Variants in CSMD1 observed in about 807,000 individuals in gnomAD.
CSMD1 encodes the protein CUB and sushi domain-containing protein 1.
Under a neutral mutation model 417.5 loss-of-function variants are expected in CSMD1, and 213 were observed. The observed-to-expected ratio is 0.51, with a 90% CI of 0.46 to 0.57. The LOEUF is 0.57. Ranked by LOEUF, CSMD1 falls within the 20% of genes least tolerant of loss-of-function variation. CSMD1 has a pLI of 0.00. For missense variants in CSMD1, 6,923 were observed against 4,529.7 expected (o/e 1.53, Z -15.17); for synonymous variants, 2,862 against 1,736.8 (o/e 1.65, Z -16.11).
intron 64 of CSMD1, among the ~76,000 whole-genome samples, 191 bp downstream of exon 64, chr8:2,955,398 T>G (rs1424610737): frequency 6.6e-6 from 1 of 152,172 alleles, no homozygotes; most frequent in Admixed American, 6.5e-5. Flanking sequence ...ATGCCACCAT[T>G]GCATCAAACA....
chr8:4,941,236 T>C (rs534605146), intron 1 of CSMD1, among the ~76,000 whole-genome samples: 1 of 151,292 alleles, frequency 6.6e-6, no homozygotes, highest in African/African-American at 2.4e-5. Context: ...TGTAACATTG[T>C]AACACTCTTT....
At chr8:4,138,266 G>A (rs182209198) in intron 3 of CSMD1, among the ~76,000 whole-genome samples, 1 of 135,110 alleles carries the variant, frequency 7.4e-6, no homozygotes, top group East Asian at 2.2e-4. Flanking sequence ...TCCTGGCTAT[G>A]CCATAAACTA....
intron 1 of CSMD1, among the ~76,000 whole-genome samples, chr8:4,752,604 A>G (rs1195020322): frequency 6.6e-6 from 1 of 152,198 alleles, no homozygotes; most frequent in Admixed American, 6.5e-5. Context: ...AAATTCTAGA[A>G]AAATGTAGGG....
At position 3,552,305 on chromosome 8, in the gene CSMD1, G is replaced by A. The variant is rs772949049; in HGVS notation, c.1344+22640C>T. 2.6e-5 allele frequency among the ~76,000 whole-genome samples: 4 copies of A among 151,792 alleles called. No individual in the cohort carries two copies. In the East Asian group the frequency reaches 7.7e-4, roughly 29 times the overall value. On this transcript the variant is annotated intron_variant, in intron 10 of 69. Coordinates refer to ENST00000635120, the MANE Select transcript of CSMD1 (RefSeq NM_033225.6). ...TAAATATGCATCATCCACATGGCAT[G>A]AAAAAATAAGGTCAGCTTATTCTCT...
intron 2 of CSMD1, among the ~76,000 whole-genome samples, chr8:4,464,244 A>G (rs1183479588): frequency 6.6e-6 from 1 of 152,148 alleles, no homozygotes; most frequent in Non-Finnish European, 1.5e-5. Flanking sequence ...TTCCCACATT[A>G]ACATCTTCCT....
chr8:3,820,912 T>C (rs1207432019), intron 5 of CSMD1, among the ~76,000 whole-genome samples: 3 of 151,732 alleles, frequency 2.0e-5, no homozygotes, highest in Non-Finnish European at 2.9e-5. Flanking sequence ...CTGAGGGTGT[T>C]CTATCTTTTT....
At chr8:3,668,191 C>T (rs1428279882) in intron 7 of CSMD1, among the ~76,000 whole-genome samples, 1 of 152,042 alleles carries the variant, frequency 6.6e-6, no homozygotes, top group African/African-American at 2.4e-5. Flanking sequence ...ATATGTTTCC[C>T]AGCTAATAAG....
At chr8:4,987,359 T>G (rs1385881485) in intron 1 of CSMD1, among the ~76,000 whole-genome samples, 2 of 152,166 alleles carry the variant, frequency 1.3e-5, no homozygotes, top group Non-Finnish European at 2.9e-5. Context: ...GTGACAGGCG[T>G]GTTCAGTACA....
intron 1 of CSMD1, among the ~76,000 whole-genome samples, chr8:4,854,294 G>A (rs992282620): frequency 1.3e-5 from 2 of 152,280 alleles, no homozygotes; most frequent in East Asian, 1.9e-4. Flanking sequence ...GGCTTGGTAG[G>A]AGGTGTTGGG....
intron 2 of CSMD1, among the ~76,000 whole-genome samples, chr8:4,421,839 T>A (rs575292420): frequency 1.3e-5 from 2 of 151,020 alleles, no homozygotes; most frequent in South Asian, 4.2e-4. Flanking sequence ...CAGAAATCAA[T>A]AAAATTGAAA....
At chr8:4,190,940 G>T (rs1024676395) in intron 3 of CSMD1, among the ~76,000 whole-genome samples, 2 of 150,432 alleles carry the variant, frequency 1.3e-5, no homozygotes, top group South Asian at 2.1e-4. Context: ...ACAAACTGCG[G>T]CTCAGTGGAG....
chr8:4,588,192 A>G (rs929887300), intron 2 of CSMD1, among the ~76,000 whole-genome samples: 1 of 152,112 alleles, frequency 6.6e-6, no homozygotes, highest in Non-Finnish European at 1.5e-5. Context: ...TCTTAGGCAT[A>G]TATTTAAATA....
intron 25 of CSMD1, among the ~76,000 whole-genome samples, chr8:3,295,842 G>T (rs1803921900): frequency 6.6e-6 from 1 of 152,118 alleles, no homozygotes. Flanking sequence ...TCATCATTTT[G>T]CATCTATAAG....
chr8:3,233,036 T>G (rs1798932103), intron 26 of CSMD1, among the ~76,000 whole-genome samples: 1 of 152,216 alleles, frequency 6.6e-6, no homozygotes, highest in Non-Finnish European at 1.5e-5. Flanking sequence ...GACTGATGAT[T>G]GTTTAAATTT....
At chr8:3,601,654 C>T (rs984835890) in intron 8 of CSMD1, among the ~76,000 whole-genome samples, 1 of 152,162 alleles carries the variant, frequency 6.6e-6, no homozygotes, top group African/African-American at 2.4e-5. Flanking sequence ...AACTTTAAGG[C>T]TAATGGAAGC....
intron 2 of CSMD1, among the ~76,000 whole-genome samples, chr8:4,543,715 T>G (rs1410121569): frequency 6.8e-6 from 1 of 147,602 alleles, no homozygotes; most frequent in African/African-American, 2.5e-5. Context: ...CACCAAAGTG[T>G]CTTCCAAACG....
intron 8 of CSMD1, among the ~76,000 whole-genome samples, chr8:3,596,482 T>C (rs370559229): frequency 2.6e-4 from 40 of 152,160 alleles, no homozygotes; most frequent in African/African-American, 9.4e-4. Flanking sequence ...CTCAGCATCA[T>C]GGGATGCTGG....
intron 5 of CSMD1, among the ~76,000 whole-genome samples, chr8:3,974,462 A>T (rs1038164537): frequency 6.6e-6 from 1 of 152,074 alleles, no homozygotes; most frequent in Admixed American, 6.6e-5. Flanking sequence ...GTATATGGCT[A>T]CTTATTAAAA....
intron 25 of CSMD1, among the ~76,000 whole-genome samples, chr8:3,307,376 C>G (rs775959297): frequency 2.6e-5 from 4 of 151,512 alleles, no homozygotes; most frequent in African/African-American, 9.7e-5. Flanking sequence ...GGCAGTCTCA[C>G]GCAGATCAGA....
Sources: gnomAD v4.1 joint callset for allele counts (sites outside exome capture counted in the v4.1 genomes callset) on GRCh38, gnomAD v4.1.1 for gene constraint, MANE v1.5 for transcripts, NCBI Gene and HGNC (gene_info 2026-07-23, HGNC 2026-07-21) for gene names.